RETREG3: variants seen among roughly 807,000 people sequenced by gnomAD.
RETREG3 encodes the protein reticulophagy regulator family member 3.
RETREG3 carries 23 observed loss-of-function variants against 50.2 expected under a neutral mutation model. The ratio of observed to expected loss-of-function variants is 0.46; its 90% CI spans 0.33 to 0.65. The LOEUF is 0.65. Ranked by LOEUF, RETREG3 falls within the 30% of genes least tolerant of loss-of-function variation. The probability of loss-of-function intolerance (pLI) is 0.02; values close to 1 mark genes in which losing one functional copy is unlikely to be tolerated. For synonymous variants in RETREG3, 240 were observed against 234.4 expected (o/e 1.02, Z -0.22); for missense variants, 546 against 598.0 (o/e 0.91, Z 0.91).
chr17:42,604,552 C>T (rs1274434292), intron 1 of RETREG3, among the ~76,000 whole-genome samples: 2 of 151,944 alleles, frequency 1.3e-5, no homozygotes, highest in Non-Finnish European at 2.9e-5. Flanking sequence ...TGCCTCTAGT[C>T]CCAGCTACTT....
chr17:42,590,670 T>TG (rs111949038), intron 2 of RETREG3, among the ~76,000 whole-genome samples: 4 of 137,812 alleles, frequency 2.9e-5, no homozygotes, highest in African/African-American at 1.0e-4. Flanking sequence ...AGACTCTGTC[T>TG]GAAAAAAAAG....
At chr17:42,587,574 C>G (rs546398356) in intron 3 of RETREG3, 8 of 441,138 alleles carry the variant, frequency 1.8e-5, no homozygotes, top group South Asian at 1.2e-4. Context: ...CTGAATAATG[C>G]AGCTGATTCC....
At chr17:42,589,273 G>A (rs1256086388) in intron 2 of RETREG3, among the ~76,000 whole-genome samples, 1 of 152,076 alleles carries the variant, frequency 6.6e-6, no homozygotes, top group East Asian at 1.9e-4. Flanking sequence ...TGAATATCTT[G>A]CCAACACTTC....
At chr17:42,606,128 G>A (rs954604819) in intron 1 of RETREG3, among the ~76,000 whole-genome samples, 3 of 151,776 alleles carry the variant, frequency 2.0e-5, no homozygotes, top group Non-Finnish European at 2.9e-5. Context: ...AAATGCCAAA[G>A]ATAAAGACCA....
Position 42,609,205 on chromosome 17 carries a change from C to A in RETREG3, c.120G>T (p.Arg40=). 1.9e-6 allele frequency: 3 copies of A among 1,608,818 alleles called. No homozygotes were observed. Among genetic ancestry groups the A allele is most frequent in the Non-Finnish European group, 2.5e-6 (3 of 1,179,766 alleles). Residue 40 remains arginine, a synonymous_variant, in exon 1 of 9, where the codon CGG becomes CGT. Transcript: ENST00000309428. Reference sequence around the variant, plus strand: ...AAGGCCCCAGCACCTCCACCAGGGCCCGCTGCGCCGCCTCAACCTGCTGGT... The same window carrying A: ...AAGGCCCCAGCACCTCCACCAGGGCACGCTGCGCCGCCTCAACCTGCTGGT... ...ERDQQVEAAQ[R]ALVEVLGPYE... is the part of the protein sequence containing the mutation.
chr17:42,597,494 ATT>A (rs1567925183), intron 1 of RETREG3, among the ~76,000 whole-genome samples: 2 of 86,270 alleles, frequency 2.3e-5, no homozygotes, highest in Non-Finnish European at 4.2e-5. Context: ...GCCAGAATCT[ATT>A]TTGTGTGTGT....
rs1469137142 is a variant in RETREG3 at position 42,582,698 on chromosome 17, T to A, written c.919A>T (p.Thr307Ser). ...NGTFNLSRGQ[T>S]PLTEGSEDLD... ...CCTTCAGAGCCTTCCGTTAGAGGTG[T>A]TTGGCCCCTTGAAAGATTGAATGTG... Residue 307 changes from threonine (T) to serine (S), a missense_variant, in exon 8 of 9, where the codon ACA becomes TCA. Coordinates refer to ENST00000309428, the MANE Select transcript of RETREG3 (RefSeq NM_178126.4). The A allele has an allele frequency of 6.2e-7, 1 of 1,614,126 alleles. No individual in the cohort carries two copies. Among genetic ancestry groups the A allele is most frequent in the Non-Finnish European group, 8.5e-7 (1 of 1,180,058 alleles).
intron 8 of RETREG3, 47 bp downstream of exon 8, chr17:42,582,627 G>A: frequency 2.5e-6 from 4 of 1,610,794 alleles, no homozygotes; most frequent in Non-Finnish European, 3.4e-6. Context: ...GAAGCTAAGA[G>A]GCAACAGTCA....
At position 42,585,224 on chromosome 17, in the gene RETREG3, G is replaced by T. The variant is rs1308309738; in HGVS notation, c.628C>A (p.Arg210=). The T allele has an allele frequency of 6.2e-7, 1 of 1,613,920 alleles. No homozygotes were observed. The highest frequency in any genetic ancestry group is 8.5e-7 in the Non-Finnish European group (1 of 1,180,046). ...VMMWPLAVYH[R]LWDRAYVRLK... is the part of the protein sequence containing the mutation. ...CGCACATATGCTCGATCCCACAGTC[G>T]GTGGTACACAGCAAGGGGCCACATC... Residue 210 remains arginine, a synonymous_variant, in exon 6 of 9, where the codon CGA becomes AGA. Coordinates refer to ENST00000309428, the MANE Select transcript of RETREG3 (RefSeq NM_178126.4).
intron 7 of RETREG3, 145 bp from the exon 8 acceptor site, chr17:42,582,951 A>G: frequency 9.5e-7 from 1 of 1,058,058 alleles, no homozygotes; most frequent in Admixed American, 2.6e-5. Flanking sequence ...TTCCCGTTGA[A>G]AACTCCCTCT....
chr17:42,601,145 C>T (rs541757366), intron 1 of RETREG3, among the ~76,000 whole-genome samples: 2 of 152,176 alleles, frequency 1.3e-5, no homozygotes, highest in African/African-American at 4.8e-5. Flanking sequence ...GGCATGGTGG[C>T]GGGTGCCCGT....
At chr17:42,607,981 G>GT (rs1263396312) in intron 1 of RETREG3, among the ~76,000 whole-genome samples, 5 of 152,140 alleles carry the variant, frequency 3.3e-5, no homozygotes, top group Non-Finnish European at 7.4e-5. Context: ...GCTGAACACT[G>GT]TTTTCGGGTC....
At chr17:42,597,609 A>T (rs1318924564) in intron 1 of RETREG3, among the ~76,000 whole-genome samples, 2 of 16,410 alleles carry the variant, frequency 1.2e-4, no homozygotes, top group Non-Finnish European at 2.1e-4. Context: ...ATATATATAT[A>T]TATATATATA....
intron 2 of RETREG3, among the ~76,000 whole-genome samples, chr17:42,591,615 C>T (rs1259931145): frequency 6.6e-6 from 1 of 152,186 alleles, no homozygotes; most frequent in Non-Finnish European, 1.5e-5. Context: ...GCAGGGGTTA[C>T]TAATAGGCGT....
chr17:42,589,630 C>T (rs2093128592), intron 2 of RETREG3, among the ~76,000 whole-genome samples: 2 of 152,048 alleles, frequency 1.3e-5, no homozygotes, highest in South Asian at 2.1e-4. Flanking sequence ...GACAAGGTTT[C>T]GCCACGTTGT....
chr17:42,584,144 C>T (rs1399811863), intron 6 of RETREG3, among the ~76,000 whole-genome samples: 1 of 152,272 alleles, frequency 6.6e-6, no homozygotes, highest in East Asian at 1.9e-4. Flanking sequence ...TGATCAAATA[C>T]CAGGCTTTGT....
chr17:42,597,147 T>C (rs1445506623), intron 1 of RETREG3, among the ~76,000 whole-genome samples: 2 of 151,920 alleles, frequency 1.3e-5, no homozygotes, highest in Non-Finnish European at 2.9e-5. Context: ...GTACTGGGAT[T>C]AGAGGCATGA....
intron 1 of RETREG3, chr17:42,596,653 T>G (rs1297819408): frequency 6.6e-6 from 1 of 152,122 alleles, no homozygotes; most frequent in African/African-American, 2.4e-5. Flanking sequence ...TAATGTGACC[T>G]TATTATATAC....
chr17:42,594,229 T>C (rs567493776), intron 1 of RETREG3, among the ~76,000 whole-genome samples: 237 of 152,166 alleles, frequency 1.6e-3, no homozygotes, highest in African/African-American at 4.0e-3. Context: ...AAATCATGTA[T>C]AGATTAGAAC....
Sources: gnomAD v4.1 joint callset for allele counts (sites outside exome capture counted in the v4.1 genomes callset) on GRCh38, gnomAD v4.1.1 for gene constraint, MANE v1.5 for transcripts, NCBI Gene and HGNC (gene_info 2026-07-23, HGNC 2026-07-21) for gene names.